The following FHIP1A variants were observed in gnomAD, a reference collection of about 807,000 sequenced individuals.
FHIP1A encodes FHF complex subunit HOOK interacting protein 1A.
FHIP1A carries 61 observed loss-of-function variants against 88.6 expected under a neutral mutation model. The ratio of observed to expected loss-of-function variants is 0.69; its 90% CI spans 0.56 to 0.85. The LOEUF (loss-of-function observed/expected upper bound fraction) is 0.85, where lower values mean the gene tolerates loss of function less well. Among genes scored for constraint, FHIP1A ranks in the 40% least tolerant of loss-of-function variants. The probability of loss-of-function intolerance (pLI) is 0.00; values close to 1 mark genes in which losing one functional copy is unlikely to be tolerated. For missense variants in FHIP1A, 1,154 were observed against 1,273.5 expected, an observed-to-expected ratio of 0.91 and a Z score of 1.43; for synonymous variants, 478 against 496.0, an observed-to-expected ratio of 0.96 and a Z score of 0.48.
intron 3 of FHIP1A, among the ~76,000 whole-genome samples, chr4:151,540,544 C>T (rs1464541580): frequency 1.3e-5 from 2 of 152,006 alleles, no homozygotes; most frequent in Non-Finnish European, 2.9e-5. Context: ...GGTGCTTATT[C>T]AATATAAAGT....
intron 3 of FHIP1A, among the ~76,000 whole-genome samples, chr4:151,496,920 A>G (rs1434283168): frequency 6.6e-6 from 1 of 151,910 alleles, no homozygotes. Flanking sequence ...AGCAAGTATG[A>G]AAAACATGTT....
intron 3 of FHIP1A, among the ~76,000 whole-genome samples, chr4:151,540,844 T>C (rs1732257471): frequency 6.6e-6 from 1 of 152,198 alleles, no homozygotes; most frequent in Non-Finnish European, 1.5e-5. Flanking sequence ...TGAGCTTCTA[T>C]GGCTTCCTGG....
intron 5 of FHIP1A, among the ~76,000 whole-genome samples, chr4:151,584,558 G>A (rs754082577): frequency 1.5e-4 from 23 of 151,728 alleles, no homozygotes; most frequent in African/African-American, 4.4e-4. Context: ...TGTCTGGTTC[G>A]TATGGCTTGA....
chr4:151,457,459 C>T (rs192071060), intron 2 of FHIP1A, among the ~76,000 whole-genome samples: 2 of 152,198 alleles, frequency 1.3e-5, no homozygotes, highest in East Asian at 3.9e-4. Context: ...CGTGTTGTGC[C>T]CTACCAGGAA....
intron 8 of FHIP1A, among the ~76,000 whole-genome samples, chr4:151,636,052 A>G (rs1397497750): frequency 6.6e-6 from 1 of 151,990 alleles, no homozygotes; most frequent in Non-Finnish European, 1.5e-5. Context: ...TCTACTATGA[A>G]TATGGGCTCC....
chr4:151,486,273 T>G (rs1324816257), intron 3 of FHIP1A, among the ~76,000 whole-genome samples: 1 of 152,308 alleles, frequency 6.6e-6, no homozygotes, highest in East Asian at 1.9e-4. Context: ...GATTCTGATA[T>G]GTGCTATTGT....
chr4:151,611,328 A>G (rs2126847449), intron 7 of FHIP1A, among the ~76,000 whole-genome samples: 1 of 152,320 alleles, frequency 6.6e-6, no homozygotes, highest in South Asian at 2.1e-4. Flanking sequence ...AAAGAGAACC[A>G]GAGTTGAGAC....
chr4:151,466,862 C>G (rs1187729894), intron 2 of FHIP1A, among the ~76,000 whole-genome samples: 1 of 151,996 alleles, frequency 6.6e-6, no homozygotes, highest in Non-Finnish European at 1.5e-5. Context: ...ATGTAAAACC[C>G]AAAACCATAA....
chr4:151,529,668 TG>T (rs1444453348), intron 3 of FHIP1A, among the ~76,000 whole-genome samples: 1 of 152,046 alleles, frequency 6.6e-6, no homozygotes, highest in African/African-American at 2.4e-5. Flanking sequence ...GTGCCCTTTG[TG>T]GGGGCTGTGG....
chr4:151,438,930 C>T (rs550997058), intron 1 of FHIP1A, among the ~76,000 whole-genome samples: 5 of 152,144 alleles, frequency 3.3e-5, no homozygotes, highest in South Asian at 4.1e-4. Flanking sequence ...AGAAAGGTTA[C>T]GTTAGGGTCT....
chr4:151,416,732 G>T (rs1732904821), intron 1 of FHIP1A, among the ~76,000 whole-genome samples: 1 of 151,870 alleles, frequency 6.6e-6, no homozygotes. Flanking sequence ...CTTATAGTTT[G>T]TATATATTCA....
intron 2 of FHIP1A, among the ~76,000 whole-genome samples, chr4:151,481,329 T>C (rs1729886389): frequency 6.6e-6 from 1 of 152,018 alleles, no homozygotes; most frequent in Admixed American, 6.6e-5. Flanking sequence ...TAAAATTGTA[T>C]ATATTATGTA....
intron 7 of FHIP1A, among the ~76,000 whole-genome samples, chr4:151,626,000 T>G (rs1735938293): frequency 1.3e-5 from 2 of 152,188 alleles, no homozygotes; most frequent in South Asian, 4.1e-4. Flanking sequence ...TCCTGTGGTG[T>G]TTTTCAGATG....
At chr4:151,441,552 G>T (rs1369393387) in intron 1 of FHIP1A, among the ~76,000 whole-genome samples, 2 of 152,144 alleles carry the variant, frequency 1.3e-5, no homozygotes, top group African/African-American at 4.8e-5. Flanking sequence ...GCTAATCACA[G>T]AAGTATACAT....
chr4:151,563,515 A>T (rs1355230744), intron 3 of FHIP1A, among the ~76,000 whole-genome samples: 1 of 152,176 alleles, frequency 6.6e-6, no homozygotes, highest in African/African-American at 2.4e-5. Flanking sequence ...CTTAGACTGA[A>T]GAGTGCAGAG....
In FHIP1A at chr4:151,435,784, CAAAA is replaced by C. The variant is rs202118440; in HGVS notation, c.-355-18900_-355-18897del. Among the ~76,000 whole-genome samples the C allele has an allele frequency of 5.3e-3, 646 of 121,378 alleles. 1 individual carries two copies. Among genetic ancestry groups the C allele is most frequent in the African/African-American group, 0.012 (414 of 33,262 alleles). The allele number at this position is 121,378 out of a possible 152,430, so 79.6% of individuals were successfully genotyped here. ...TGGGTGACAGAGTGAAACTCTGTGT[CAAAA>C]AAAAAAAAAAAAAAAATTCTAAATG... On this transcript the variant is annotated intron_variant, in intron 1 of 13. Transcript: ENST00000435205.
intron 7 of FHIP1A, among the ~76,000 whole-genome samples, chr4:151,622,706 G>A (rs1305912592): frequency 6.6e-6 from 1 of 151,972 alleles, no homozygotes; most frequent in Admixed American, 6.6e-5. Context: ...AATCAAAAAA[G>A]GACTCTGTGG....
intron 2 of FHIP1A, among the ~76,000 whole-genome samples, chr4:151,480,821 C>A (rs1729869409): frequency 6.6e-6 from 1 of 151,984 alleles, no homozygotes; most frequent in Non-Finnish European, 1.5e-5. Context: ...TTAGGTCACA[C>A]TGTGTCCCCC....
intron 5 of FHIP1A, among the ~76,000 whole-genome samples, chr4:151,581,000 G>A (rs1734003278): frequency 6.6e-6 from 1 of 152,252 alleles, no homozygotes; most frequent in Non-Finnish European, 1.5e-5. Context: ...TGGGACTACA[G>A]GCGTGTGCCA....
Sources: gnomAD v4.1 joint callset for allele counts (sites outside exome capture counted in the v4.1 genomes callset) on GRCh38, gnomAD v4.1.1 for gene constraint, MANE v1.5 for transcripts, NCBI Gene and HGNC (gene_info 2026-07-23, HGNC 2026-07-21) for gene names.